The following DSCAM variants were observed in gnomAD, a reference collection of about 807,000 sequenced individuals.
DSCAM encodes cell adhesion molecule DSCAM.
DSCAM carries 47 observed loss-of-function variants against 217.7 expected under a neutral mutation model. The observed-to-expected ratio is 0.22, with a 90% CI of 0.17 to 0.28. The LOEUF (loss-of-function observed/expected upper bound fraction) is 0.28. DSCAM is among the 10% of genes least tolerant of loss of function. The probability of loss-of-function intolerance (pLI) is 1.00; values close to 1 mark genes in which losing one functional copy is unlikely to be tolerated. For synonymous variants in DSCAM, 1,056 were observed against 1,015.3 expected (o/e 1.04, Z -0.76); for missense variants, 2,080 against 2,618.3 (o/e 0.79, Z 4.49).
chr21:40,182,649 GTT>G (rs1568986464), intron 14 of DSCAM, among the ~76,000 whole-genome samples: 27 of 126,612 alleles, frequency 2.1e-4, no homozygotes, highest in African/African-American at 9.4e-4. Context: ...ACAGGAGGGG[GTT>G]ACCAGAGAAA....
intron 19 of DSCAM, among the ~76,000 whole-genome samples, chr21:40,129,356 C>T (rs1164947902): frequency 1.3e-5 from 2 of 152,236 alleles, no homozygotes; most frequent in Non-Finnish European, 2.9e-5. Context: ...GGCCTTTCCT[C>T]TCACTAGAGC....
At chr21:40,174,991 T>TC (rs1239004198) in intron 15 of DSCAM, among the ~76,000 whole-genome samples, 2 of 152,186 alleles carry the variant, frequency 1.3e-5, no homozygotes, top group African/African-American at 4.8e-5. Context: ...CTCTCAGCCT[T>TC]CCTGTCCTAT....
At chr21:40,596,042 G>A (rs2077019271) in intron 3 of DSCAM, among the ~76,000 whole-genome samples, 1 of 152,132 alleles carries the variant, frequency 6.6e-6, no homozygotes, top group African/African-American at 2.4e-5. Flanking sequence ...CTAGCACAAG[G>A]CAGAGCACTA....
At chr21:40,056,417 C>T (rs2089024452) in intron 28 of DSCAM, among the ~76,000 whole-genome samples, 1 of 152,110 alleles carries the variant, frequency 6.6e-6, no homozygotes, top group Non-Finnish European at 1.5e-5. Context: ...AAAGCAATTA[C>T]TATCATAATT....
At chr21:40,714,016 T>TGGTGG in intron 1 of DSCAM, among the ~76,000 whole-genome samples, 1 of 152,266 alleles carries the variant, frequency 6.6e-6, no homozygotes, top group African/African-American at 2.4e-5. Flanking sequence ...AAGGTACTAA[T>TGGTGG]CATAAACTTT....
chr21:40,498,707 ATATGGGTGTATATATATATGGG>A (rs2076143770), intron 3 of DSCAM, among the ~76,000 whole-genome samples: 3 of 7,796 alleles, frequency 3.8e-4, no homozygotes, highest in African/African-American at 1.9e-3. Flanking sequence ...AGATATATAT[ATATGGGTGTATATATATATGGG>A]TGTGTGTATA....
At chr21:40,701,152 A>T (rs2090652578) in intron 2 of DSCAM, among the ~76,000 whole-genome samples, 1 of 152,218 alleles carries the variant, frequency 6.6e-6, no homozygotes, top group Non-Finnish European at 1.5e-5. Context: ...TAATAGATAT[A>T]GGGCTATTCA....
At chr21:40,377,455 G>A (rs2074974738) in intron 3 of DSCAM, among the ~76,000 whole-genome samples, 2 of 152,068 alleles carry the variant, frequency 1.3e-5, no homozygotes, top group Admixed American at 1.3e-4. Flanking sequence ...CAACAGAGCT[G>A]GGGTGAGGAG....
At chr21:40,200,625 T>A (rs1436428129) in intron 11 of DSCAM, among the ~76,000 whole-genome samples, 1 of 152,162 alleles carries the variant, frequency 6.6e-6, no homozygotes. Context: ...TTTTTTAGAG[T>A]CTGTAGAACT....
intron 3 of DSCAM, among the ~76,000 whole-genome samples, chr21:40,444,334 G>GT (rs1389237072): frequency 6.6e-6 from 1 of 152,190 alleles, no homozygotes; most frequent in Non-Finnish European, 1.5e-5. Context: ...GGTTTTAAAT[G>GT]TTTTTGTGTG....
intron 18 of DSCAM, among the ~76,000 whole-genome samples, chr21:40,141,703 G>A (rs1182816725): frequency 1.3e-5 from 2 of 152,140 alleles, no homozygotes; most frequent in Admixed American, 6.5e-5. Context: ...GGAGGGCAGG[G>A]GAGGAGGCAG....
rs887871179 is a variant in DSCAM at position 40,685,976 on chromosome 21, C to T, written c.508+6834G>A. On this transcript the variant is annotated intron_variant, in intron 3 of 32. Transcript: ENST00000400454. ...AAACAAAAACAGAGAGAGATAGAAA[C>T]GCCTTTCCCTAGGCCACCCAGCTAA... 3.9e-5 allele frequency among the ~76,000 whole-genome samples: 6 copies of T among 152,048 alleles called. No homozygotes were observed. In the South Asian group the frequency reaches 6.2e-4, roughly 16 times the overall value.
chr21:40,129,741 G>A (rs1434591103), intron 19 of DSCAM, among the ~76,000 whole-genome samples: 1 of 152,170 alleles, frequency 6.6e-6, no homozygotes, highest in African/African-American at 2.4e-5. Flanking sequence ...CTGAGGGGCA[G>A]CACCACTGGT....
chr21:40,329,644 A>G (rs1452040318), intron 8 of DSCAM, among the ~76,000 whole-genome samples: 1 of 146,946 alleles, frequency 6.8e-6, no homozygotes, highest in African/African-American at 2.5e-5. Context: ...AAATAAATAA[A>G]TAAATAAATA....
intron 3 of DSCAM, among the ~76,000 whole-genome samples, chr21:40,558,658 C>T (rs935829240): frequency 6.6e-6 from 1 of 152,110 alleles, no homozygotes; most frequent in Non-Finnish European, 1.5e-5. Flanking sequence ...ATAGCTTATG[C>T]ATCAATAAAA....
At chr21:40,609,974 T>C (rs2089291588) in intron 3 of DSCAM, among the ~76,000 whole-genome samples, 1 of 152,172 alleles carries the variant, frequency 6.6e-6, no homozygotes, top group Non-Finnish European at 1.5e-5. Flanking sequence ...TCACGTGGGA[T>C]TAATTTAAAA....
At chr21:40,525,393 C>T (rs1385159419) in intron 3 of DSCAM, among the ~76,000 whole-genome samples, 1 of 152,112 alleles carries the variant, frequency 6.6e-6, no homozygotes, top group African/African-American at 2.4e-5. Context: ...CAGATGTGGT[C>T]AGGGACCAAA....
intron 15 of DSCAM, among the ~76,000 whole-genome samples, chr21:40,171,545 G>A (rs1180007476): frequency 1.3e-5 from 2 of 150,696 alleles, no homozygotes; most frequent in Admixed American, 1.3e-4. Flanking sequence ...GTTCCCTGAA[G>A]TGAAAGCATT....
intron 3 of DSCAM, among the ~76,000 whole-genome samples, chr21:40,431,578 T>C (rs943272464): frequency 6.6e-6 from 1 of 152,240 alleles, no homozygotes; most frequent in Admixed American, 6.5e-5. Context: ...TTCCACCTAA[T>C]GAATAGTAAG....
Sources: gnomAD v4.1 joint callset for allele counts (sites outside exome capture counted in the v4.1 genomes callset) on GRCh38, gnomAD v4.1.1 for gene constraint, MANE v1.5 for transcripts, NCBI Gene and HGNC (gene_info 2026-07-23, HGNC 2026-07-21) for gene names.